KIAA1217: variants seen among roughly 807,000 people sequenced by gnomAD.
KIAA1217 encodes sickle tail protein homolog.
Under a neutral mutation model 163.9 loss-of-function variants are expected in KIAA1217, and 88 were observed. That is an observed-to-expected ratio of 0.54 (90% CI 0.45 to 0.64). KIAA1217 has a LOEUF of 0.64. Among genes scored for constraint, KIAA1217 ranks in the 30% least tolerant of loss-of-function variants. The pLI, the probability that KIAA1217 is intolerant of heterozygous loss-of-function variation, is 0.00. For synonymous variants in KIAA1217, 903 were observed against 923.1 expected (o/e 0.98, Z 0.39); for missense variants, 2,372 against 2,475.0 (o/e 0.96, Z 0.88).
chr10:23,821,720 C>A (rs975025843), intron 1 of KIAA1217, among the ~76,000 whole-genome samples: 2 of 152,170 alleles, frequency 1.3e-5, no homozygotes, highest in Non-Finnish European at 1.5e-5. Context: ...TAATAAAAAT[C>A]TGTTTTTGCC....
intron 1 of KIAA1217, among the ~76,000 whole-genome samples, chr10:23,878,664 C>T (rs753704710): frequency 6.6e-6 from 1 of 151,848 alleles, no homozygotes; most frequent in Non-Finnish European, 1.5e-5. Context: ...ACAGCATAGT[C>T]AGACAAAGCC....
rs2057288189 is a variant in KIAA1217, at chr10:24,407,027, C to T, written c.553+25960C>T. Among the ~76,000 whole-genome samples, 7 of 152,188 alleles carry T rather than the reference C, an allele frequency of 4.6e-5. 1 individual carries two copies. The highest frequency in any genetic ancestry group is 4.6e-4 in the Admixed American group (7 of 15,262). On this transcript the variant is annotated intron_variant, in intron 3 of 20. Transcript: ENST00000376454. ...CAGGAACATTCTGATCCCAGAACTACCATCGCAGCTCTGTCATGGAATAAG... is the reference window on the plus strand; with the variant it reads ...CAGGAACATTCTGATCCCAGAACTATCATCGCAGCTCTGTCATGGAATAAG...
chr10:24,136,575 G>C (rs1327420988), intron 2 of KIAA1217, among the ~76,000 whole-genome samples: 1 of 152,166 alleles, frequency 6.6e-6, no homozygotes, highest in African/African-American at 2.4e-5. Flanking sequence ...TTCGAGGGTA[G>C]AAACTTACAC....
At chr10:24,280,958 T>C (rs763611254) in intron 2 of KIAA1217, among the ~76,000 whole-genome samples, 4 of 152,246 alleles carry the variant, frequency 2.6e-5, no homozygotes, top group Non-Finnish European at 5.9e-5. Context: ...TGAAGGTCAG[T>C]ATTCCATAGA....
At chr10:23,739,753 G>A (rs1182741228) in intron 1 of KIAA1217, among the ~76,000 whole-genome samples, 1 of 152,186 alleles carries the variant, frequency 6.6e-6, no homozygotes, top group Non-Finnish European at 1.5e-5. Flanking sequence ...GGGAGACCCG[G>A]GACGAGGCTC....
At chr10:24,500,370 C>A (rs1292901304) in intron 8 of KIAA1217, among the ~76,000 whole-genome samples, 1 of 137,168 alleles carries the variant, frequency 7.3e-6, no homozygotes, top group African/African-American at 2.8e-5. Context: ...TAATATGGAT[C>A]CAGCCTCTAC....
chr10:24,385,393 G>A (rs779341519), intron 3 of KIAA1217, among the ~76,000 whole-genome samples: 1 of 152,264 alleles, frequency 6.6e-6, no homozygotes, highest in Middle Eastern at 3.4e-3. Flanking sequence ...CTGTGTTTTG[G>A]ACCCGTCTTA....
intron 2 of KIAA1217, among the ~76,000 whole-genome samples, chr10:24,077,712 G>A (rs987943996): frequency 3.9e-5 from 6 of 152,156 alleles, no homozygotes; most frequent in Non-Finnish European, 5.9e-5. Flanking sequence ...CAGGATTGCT[G>A]GATCAAATAG....
At chr10:24,288,281 C>T (rs1054099672) in intron 2 of KIAA1217, among the ~76,000 whole-genome samples, 5 of 152,108 alleles carry the variant, frequency 3.3e-5, no homozygotes, top group African/African-American at 1.2e-4. Flanking sequence ...CACCATTTTC[C>T]TATTTTATAG....
intron 1 of KIAA1217, among the ~76,000 whole-genome samples, chr10:23,831,172 G>C (rs1184662950): frequency 6.6e-6 from 1 of 151,872 alleles, no homozygotes; most frequent in Non-Finnish European, 1.5e-5. Flanking sequence ...GAATTAAAGA[G>C]TTCAAACAGG....
chr10:24,068,539 G>T (rs1327870525), intron 2 of KIAA1217, among the ~76,000 whole-genome samples: 1 of 152,022 alleles, frequency 6.6e-6, no homozygotes, highest in Admixed American at 6.5e-5. Flanking sequence ...CCTTGACTCT[G>T]TTGATATCTA....
intron 2 of KIAA1217, among the ~76,000 whole-genome samples, chr10:24,229,001 C>T (rs928707158): frequency 2.6e-5 from 4 of 152,168 alleles, no homozygotes; most frequent in Admixed American, 1.3e-4. Flanking sequence ...TGCTGTAGAT[C>T]TCAGGGAGTC....
chr10:24,207,588 C>G (rs2067633948), upstream of KIAA1217, among the ~76,000 whole-genome samples: 1 of 152,196 alleles, frequency 6.6e-6, no homozygotes, highest in Admixed American at 6.5e-5. Context: ...TCATAGAGAC[C>G]TTAAGTTATC....
At chr10:23,735,719 C>A (rs1343902581) in intron 1 of KIAA1217, among the ~76,000 whole-genome samples, 1 of 151,750 alleles carries the variant, frequency 6.6e-6, no homozygotes, top group Non-Finnish European at 1.5e-5. Context: ...GTTACAGATA[C>A]CTTTCAGTTT....
chr10:24,010,498 T>C (rs532009298), intron 2 of KIAA1217, among the ~76,000 whole-genome samples: 1 of 152,078 alleles, frequency 6.6e-6, no homozygotes, highest in Admixed American at 6.6e-5. Context: ...TTTACCAATT[T>C]CATAGCAATT....
At chr10:24,032,642 G>A (rs1332110268) in intron 2 of KIAA1217, among the ~76,000 whole-genome samples, 2 of 152,188 alleles carry the variant, frequency 1.3e-5, no homozygotes, top group Admixed American at 1.3e-4. Flanking sequence ...AAGTAAGTAA[G>A]AGGTCATGCC....
chr10:24,081,490 G>T (rs924307868), intron 2 of KIAA1217, among the ~76,000 whole-genome samples: 3 of 152,130 alleles, frequency 2.0e-5, no homozygotes, highest in Non-Finnish European at 4.4e-5. Context: ...GACTCATGCC[G>T]GACATTTATC....
intron 1 of KIAA1217, among the ~76,000 whole-genome samples, chr10:23,822,189 G>T (rs1193547712): frequency 6.6e-6 from 1 of 152,096 alleles, no homozygotes; most frequent in East Asian, 1.9e-4. Context: ...TCTTTAGTTT[G>T]TAACAGACTC....
chr10:23,950,425 C>G (rs1452091465), intron 1 of KIAA1217, among the ~76,000 whole-genome samples: 6 of 150,226 alleles, frequency 4.0e-5, no homozygotes, highest in Non-Finnish European at 8.9e-5. Context: ...GGAATGTAAT[C>G]TCATCATTTC....
Sources: allele counts gnomAD v4.1 joint callset (sites outside exome capture counted in the v4.1 genomes callset), GRCh38; gene constraint gnomAD v4.1.1; transcripts MANE v1.5; gene names NCBI Gene and HGNC (gene_info 2026-07-23, HGNC 2026-07-21).